WDR37: variants seen among roughly 807,000 people sequenced by gnomAD.
The protein encoded by WDR37 is WD repeat-containing protein 37.
Under a neutral mutation model 62.9 loss-of-function variants are expected in WDR37, and 19 were observed. The observed-to-expected ratio is 0.30, with a 90% CI of 0.21 to 0.44. The LOEUF (loss-of-function observed/expected upper bound fraction) is 0.44. Ranked by LOEUF, WDR37 falls within the 20% of genes least tolerant of loss-of-function variation. The pLI is 1.00. For synonymous variants in WDR37, 250 were observed against 260.9 expected, an observed-to-expected ratio of 0.96 and a Z score of 0.40; for missense variants, 474 against 657.6, an observed-to-expected ratio of 0.72 and a Z score of 3.05.
intron 2 of WDR37, among the ~76,000 whole-genome samples, chr10:1,076,678 C>CG (rs1833887119): frequency 1.4e-4 from 10 of 73,524 alleles, no homozygotes; most frequent in East Asian, 7.4e-4. Flanking sequence ...GACTCCATCT[C>CG]AAAAAAAAAA....
Position 1,057,267 on chromosome 10 carries a change from G to A in WDR37, c.-41+299G>A, listed in dbSNP as rs189090540. Among the ~76,000 whole-genome samples the A allele has an allele frequency of 2.6e-4, 39 of 148,230 alleles. No individual in the cohort carries two copies. The East Asian group carries it at 7.4e-3, about 28-fold the overall frequency. On this transcript the variant is annotated intron_variant, in intron 1 of 13. Transcript: ENST00000263150. ...AGAGGGACCAGGGTGCGGGAGGGATGGGGGCCCGGGGCGGTGCAGAAGATG... is the reference window on the plus strand; with the variant it reads ...AGAGGGACCAGGGTGCGGGAGGGATAGGGGCCCGGGGCGGTGCAGAAGATG...
intron 5 of WDR37, among the ~76,000 whole-genome samples, chr10:1,082,672 A>C (rs914268099): frequency 7.2e-5 from 11 of 152,156 alleles, no homozygotes; most frequent in African/African-American, 2.4e-5. Context: ...CTAAGGAAAA[A>C]GAGTTAAGGT....
intron 11 of WDR37, among the ~76,000 whole-genome samples, chr10:1,112,696 C>A (rs2086381): frequency 6.6e-6 from 1 of 152,244 alleles, no homozygotes; most frequent in Non-Finnish European, 1.5e-5. Context: ...TATGAAGGAA[C>A]TTTGAGTGGT....
intron 9 of WDR37, among the ~76,000 whole-genome samples, chr10:1,101,769 C>T (rs888097624): frequency 4.6e-5 from 7 of 152,234 alleles, no homozygotes; most frequent in South Asian, 2.1e-4. Context: ...TCAGCCCGGG[C>T]GAGCCTTACT....
intron 11 of WDR37, among the ~76,000 whole-genome samples, chr10:1,120,466 A>G (rs2131686277): frequency 6.6e-6 from 1 of 152,336 alleles, no homozygotes; most frequent in Admixed American, 6.5e-5. Flanking sequence ...TTGGCGACGC[A>G]GGTGTTGTAC....
chr10:1,075,411 C>A (rs1239577508), intron 2 of WDR37, among the ~76,000 whole-genome samples: 3 of 151,962 alleles, frequency 2.0e-5, no homozygotes, highest in Non-Finnish European at 4.4e-5. Flanking sequence ...AGGCATTTCT[C>A]CTAATGCTAT....
chr10:1,074,529 G>A, intron 2 of WDR37: 1 of 1,304,038 alleles, frequency 7.7e-7, no homozygotes, highest in Middle Eastern at 2.2e-4. Flanking sequence ...CCCGTGAGGT[G>A]CTCTGCCTTC....
intron 2 of WDR37, among the ~76,000 whole-genome samples, chr10:1,076,204 A>G (rs1312966950): frequency 6.6e-6 from 1 of 151,944 alleles, no homozygotes; most frequent in Non-Finnish European, 1.5e-5. Context: ...CAGTAGATTC[A>G]GTATTTAAAG....
intron 7 of WDR37, among the ~76,000 whole-genome samples, chr10:1,086,856 A>G (rs1283552204): frequency 6.6e-6 from 1 of 152,198 alleles, no homozygotes; most frequent in African/African-American, 2.4e-5. Flanking sequence ...CTTTTCACTT[A>G]GAGCTGTGTG....
At chr10:1,102,111 C>T (rs1418667951) in intron 9 of WDR37, among the ~76,000 whole-genome samples, 1 of 149,670 alleles carries the variant, frequency 6.7e-6, no homozygotes, top group Non-Finnish European at 1.5e-5. Context: ...GACGTGTGTT[C>T]CCGTGCTGCT....
At chr10:1,115,809 A>C (rs566077072) in intron 11 of WDR37, among the ~76,000 whole-genome samples, 1 of 152,206 alleles carries the variant, frequency 6.6e-6, no homozygotes, top group South Asian at 2.1e-4. Flanking sequence ...CCAGCCATCT[A>C]CCAGGTGGTG....
chr10:1,084,018 T>A (rs1834114147), intron 5 of WDR37, among the ~76,000 whole-genome samples: 1 of 152,254 alleles, frequency 6.6e-6, no homozygotes, highest in South Asian at 2.1e-4. Context: ...CCTTCCTGAC[T>A]TTTTTGTATC....
At position 1,102,137 on chromosome 10, in the gene WDR37, G is replaced by A. The variant is rs527742293; in HGVS notation, c.727-1465G>A. 3.3e-5 allele frequency among the ~76,000 whole-genome samples: 5 copies of A among 151,132 alleles called. No individual in the cohort carries two copies. In the East Asian group the frequency reaches 5.9e-4, roughly 18 times the overall value. On this transcript the variant is annotated intron_variant, in intron 9 of 13. Coordinates refer to ENST00000263150, the MANE Select transcript of WDR37 (RefSeq NM_014023.4). ...CCGTGCTGCTGTGCGTCCCTGTGAC[G>A]TGGGAACCCTTGCTGTTGTGCGTCC...
chr10:1,092,169 G>A (rs1834414580), intron 7 of WDR37, among the ~76,000 whole-genome samples: 1 of 112,218 alleles, frequency 8.9e-6, no homozygotes, highest in African/African-American at 3.7e-5. Flanking sequence ...GACACAGCGA[G>A]ACTCCGTCTC....
chr10:1,113,516 C>G (rs1224944343), intron 11 of WDR37, among the ~76,000 whole-genome samples: 2 of 152,186 alleles, frequency 1.3e-5, no homozygotes, highest in East Asian at 1.9e-4. Context: ...TCTGATGGAC[C>G]TTGGCAACGT....
At chr10:1,086,394 G>T (rs776462446) in intron 7 of WDR37, 37 bp downstream of exon 7, 1 of 1,546,506 alleles carries the variant, frequency 6.5e-7, no homozygotes, top group Admixed American at 1.7e-5. Context: ...GCCAGAGGCC[G>T]TTGCCTTCTC....
intron 1 of WDR37, among the ~76,000 whole-genome samples, chr10:1,064,583 CTTTTTTTT>C (rs71376884): frequency 1.2e-3 from 86 of 70,490 alleles, no homozygotes; most frequent in African/African-American, 4.3e-3. Flanking sequence ...GACAATGGAT[CTTTTTTTT>C]TTTTTTTTTT....
intron 11 of WDR37, among the ~76,000 whole-genome samples, chr10:1,107,393 C>G (rs1835059114): frequency 6.6e-6 from 1 of 152,258 alleles, no homozygotes; most frequent in South Asian, 2.1e-4. Flanking sequence ...ACGGGAGGAG[C>G]AAGATGGTCT....
intron 11 of WDR37, chr10:1,123,941 A>G: frequency 2.5e-6 from 1 of 404,032 alleles, no homozygotes; most frequent in Non-Finnish European, 4.5e-6. Context: ...TGTTCTGTCC[A>G]ACCCTACTTT....
Sources: allele counts gnomAD v4.1 joint callset (sites outside exome capture counted in the v4.1 genomes callset), GRCh38; gene constraint gnomAD v4.1.1; transcripts MANE v1.5; gene names NCBI Gene and HGNC (gene_info 2026-07-23, HGNC 2026-07-21).